Variants in PID1 observed in about 807,000 individuals in gnomAD.
The protein encoded by PID1 is phosphotyrosine interaction domain containing 1.
PID1 carries 10 observed loss-of-function variants against 19.1 expected under a neutral mutation model. That is an observed-to-expected ratio of 0.52 (90% CI 0.32 to 0.89). The LOEUF is 0.89. Among genes scored for constraint, PID1 ranks in the 40% least tolerant of loss-of-function variants. PID1 has a pLI of 0.03. For missense variants in PID1, 248 were observed against 285.3 expected, an observed-to-expected ratio of 0.87 and a Z score of 0.94; for synonymous variants, 130 against 116.0, an observed-to-expected ratio of 1.12 and a Z score of -0.78.
intron 2 of PID1, among the ~76,000 whole-genome samples, chr2:229,053,890 G>T (rs1045441922): frequency 3.9e-5 from 6 of 152,152 alleles, no homozygotes; most frequent in African/African-American, 1.4e-4. Context: ...CTGGGGGCAG[G>T]TTTTAGAATT....
At chr2:229,117,472 TGG>T (rs1199236684) in intron 2 of PID1, among the ~76,000 whole-genome samples, 1 of 152,190 alleles carries the variant, frequency 6.6e-6, no homozygotes, top group African/African-American at 2.4e-5. Context: ...AATCTCCTAC[TGG>T]GTCTCTCATA....
intron 1 of PID1, among the ~76,000 whole-genome samples, chr2:229,249,783 T>C (rs77623237): frequency 0.14 from 21,249 of 151,042 alleles, 1,681 homozygotes; most frequent in South Asian, 0.18. Flanking sequence ...GCAGGGCAGG[T>C]GGCTGACAGG....
chr2:229,228,346 AC>A (rs1295372481), intron 1 of PID1, among the ~76,000 whole-genome samples: 1 of 152,254 alleles, frequency 6.6e-6, no homozygotes, highest in Non-Finnish European at 1.5e-5. Context: ...GATAATCATT[AC>A]ATCTAGAACA....
At chr2:229,253,732 C>T (rs1400270834) in intron 1 of PID1, among the ~76,000 whole-genome samples, 1 of 152,182 alleles carries the variant, frequency 6.6e-6, no homozygotes, top group African/African-American at 2.4e-5. Flanking sequence ...AAGCATGGCT[C>T]CTTCACTTTT....
intron 1 of PID1, among the ~76,000 whole-genome samples, chr2:229,196,120 A>G (rs1691372630): frequency 6.6e-6 from 1 of 152,062 alleles, no homozygotes; most frequent in Admixed American, 6.6e-5. Context: ...AAGACACTAT[A>G]TGGAATCTAA....
chr2:229,066,096 G>GA (rs1271918729), intron 2 of PID1, among the ~76,000 whole-genome samples: 3 of 151,800 alleles, frequency 2.0e-5, no homozygotes, highest in East Asian at 1.9e-4. Context: ...ACAAAAAAAG[G>GA]AAAAAAAGAA....
At chr2:229,253,494 C>A (rs373206772) in intron 1 of PID1, among the ~76,000 whole-genome samples, 1 of 151,528 alleles carries the variant, frequency 6.6e-6, no homozygotes, top group Non-Finnish European at 1.5e-5. Context: ...TGGGCCAGAA[C>A]CTGGAAGCTG....
At chr2:229,260,510 G>T (rs1396785025) in intron 1 of PID1, among the ~76,000 whole-genome samples, 1 of 150,816 alleles carries the variant, frequency 6.6e-6, no homozygotes, top group Non-Finnish European at 1.5e-5. Flanking sequence ...GCATGTGTGT[G>T]TGTGTATATA....
chr2:229,130,562 T>C (rs573153133), intron 2 of PID1, among the ~76,000 whole-genome samples: 1 of 152,308 alleles, frequency 6.6e-6, no homozygotes, highest in East Asian at 1.9e-4. Context: ...AGGAAACTCG[T>C]AGGCTTGTCA....
intron 1 of PID1, among the ~76,000 whole-genome samples, chr2:229,246,162 A>C (rs1467622554): frequency 6.6e-6 from 1 of 152,192 alleles, no homozygotes; most frequent in Non-Finnish European, 1.5e-5. Context: ...TCCAAATGCA[A>C]TGCTTTACAT....
chr2:229,271,022 G>T lies in PID1; in HGVS notation c.22C>A (p.Arg8Ser), dbSNP rs1272024859. 38 of 1,542,526 alleles carry T rather than the reference G, an allele frequency of 2.5e-5. No homozygotes were observed. Among genetic ancestry groups the T allele is most frequent in the Non-Finnish European group, 3.2e-5 (37 of 1,143,846 alleles). Residue 8 changes from arginine to serine, a missense_variant, in exon 1 of 3, where the codon CGC (arginine) becomes AGC (serine). By Grantham distance (110) the Arg-to-Ser change is moderately radical. Transcript: ENST00000392055. Reference sequence around the variant, plus strand: ...TCCCGGGTGCCCCTTACCTGCAGGCGCTCCGTGGCCGGCTGCCACATCTTC... The same window carrying T: ...TCCCGGGTGCCCCTTACCTGCAGGCTCTCCGTGGCCGGCTGCCACATCTTC... MWQPATE[R>S]LQHFQTMLKS... is the part of the protein sequence containing the mutation.
chr2:229,208,791 A>G (rs1187220227), intron 1 of PID1, among the ~76,000 whole-genome samples: 1 of 152,162 alleles, frequency 6.6e-6, no homozygotes, highest in Non-Finnish European at 1.5e-5. Flanking sequence ...AGGCAGGAGG[A>G]GAAAGGGGAA....
chr2:229,089,015 T>C lies in PID1; in HGVS notation c.178-62907A>G, dbSNP rs375202027. Among the ~76,000 whole-genome samples the C allele has an allele frequency of 2.0e-5, 3 of 152,212 alleles. No individual in the cohort carries two copies. The South Asian group carries it at 6.2e-4, about 32-fold the overall frequency. On this transcript the variant is annotated intron_variant, in intron 2 of 2. Coordinates refer to ENST00000392055, the MANE Select transcript of PID1 (RefSeq NM_001100818.2). Reference sequence around the variant, plus strand: ...AAATCTCTCCTACTGAAAGCCTGTTTAATATTTTAATTCTAACTTCACATT... The same window carrying C: ...AAATCTCTCCTACTGAAAGCCTGTTCAATATTTTAATTCTAACTTCACATT...
intron 2 of PID1, among the ~76,000 whole-genome samples, chr2:229,146,924 C>T (rs1200885642): frequency 1.3e-5 from 2 of 152,142 alleles, no homozygotes; most frequent in Non-Finnish European, 2.9e-5. Flanking sequence ...CCCCCTAGAG[C>T]CTCCGGGAGC....
At chr2:229,070,295 T>C (rs1374299625) in intron 2 of PID1, among the ~76,000 whole-genome samples, 1 of 152,210 alleles carries the variant, frequency 6.6e-6, no homozygotes, top group Non-Finnish European at 1.5e-5. Context: ...ACTTACTAGT[T>C]ATGTGACATT....
intron 1 of PID1, among the ~76,000 whole-genome samples, chr2:229,210,553 A>AC (rs1691710875): frequency 1.1e-5 from 1 of 91,540 alleles, no homozygotes; most frequent in Non-Finnish European, 2.6e-5. Flanking sequence ...AAAAAAAAAA[A>AC]ACAACCTAGA....
intron 1 of PID1, among the ~76,000 whole-genome samples, chr2:229,253,238 T>C (rs192621963): frequency 1.1e-3 from 162 of 152,322 alleles, no homozygotes; most frequent in Non-Finnish European, 2.0e-3. Context: ...TCCCTGACAC[T>C]ATTTCCACTC....
chr2:229,232,237 C>A (rs1692226060), intron 1 of PID1, among the ~76,000 whole-genome samples: 1 of 151,928 alleles, frequency 6.6e-6, no homozygotes, highest in Admixed American at 6.6e-5. Flanking sequence ...TCCTGGCTAA[C>A]ACAGTGAAAC....
At chr2:229,039,330 G>C (rs1272403434) in intron 2 of PID1, among the ~76,000 whole-genome samples, 1 of 151,946 alleles carries the variant, frequency 6.6e-6, no homozygotes, top group Admixed American at 6.6e-5. Flanking sequence ...AAAATAGAAG[G>C]GCTATTAAAG....
Sources: gnomAD v4.1 joint callset for allele counts (sites outside exome capture counted in the v4.1 genomes callset) on GRCh38, gnomAD v4.1.1 for gene constraint, MANE v1.5 for transcripts, NCBI Gene and HGNC (gene_info 2026-07-23, HGNC 2026-07-21) for gene names.